IL1RAPL1: variants seen among roughly 807,000 people sequenced by gnomAD.
IL1RAPL1 encodes the protein interleukin-1 receptor accessory protein-like 1.
Under a neutral mutation model 48.4 loss-of-function variants are expected in IL1RAPL1, and 3 were observed. That is an observed-to-expected ratio of 0.06 (90% CI 0.03 to 0.16). IL1RAPL1 has a LOEUF of 0.16. IL1RAPL1 is among the 10% of genes least tolerant of loss of function. The pLI is 1.00. For synonymous variants in IL1RAPL1, 185 were observed against 187.7 expected (o/e 0.99, Z 0.12); for missense variants, 349 against 530.6 (o/e 0.66, Z 3.36).
chrX:29,425,250 T>C (rs141397717), intron 5 of IL1RAPL1, among the ~76,000 whole-genome samples: 2 of 111,894 alleles, frequency 1.8e-5, no homozygotes, highest in Non-Finnish European at 3.8e-5. Context: ...TAGAAGAACT[T>C]AGAAAAACAG....
At chrX:29,802,201 T>A (rs1390020229) in intron 6 of IL1RAPL1, among the ~76,000 whole-genome samples, 2 of 111,972 alleles carry the variant, frequency 1.8e-5, no homozygotes, top group Non-Finnish European at 3.8e-5. Context: ...GTTCGGTAGC[T>A]AGCCTCTAGT....
At chrX:29,377,839 G>C (rs1276169094) in intron 3 of IL1RAPL1, among the ~76,000 whole-genome samples, 1 of 110,857 alleles carries the variant, frequency 9.0e-6, no homozygotes, top group Non-Finnish European at 1.9e-5. Context: ...TGTGCCTTGG[G>C]GATGGTCATC....
At chrX:28,899,608 G>C (rs907685994) in intron 2 of IL1RAPL1, among the ~76,000 whole-genome samples, 1 of 112,270 alleles carries the variant, frequency 8.9e-6, no homozygotes, top group Non-Finnish European at 1.9e-5. Flanking sequence ...CCTCTATACT[G>C]CTTCCAAGAT....
At chrX:28,966,749 G>A (rs1054752459) in intron 2 of IL1RAPL1, among the ~76,000 whole-genome samples, 12 of 111,570 alleles carry the variant, frequency 1.1e-4, no homozygotes, top group Non-Finnish European at 1.9e-5. Context: ...TAATGTAAAC[G>A]TCTACATTAA....
At chrX:29,655,864 T>A (rs1273292051) in intron 5 of IL1RAPL1, among the ~76,000 whole-genome samples, 1 of 110,884 alleles carries the variant, frequency 9.0e-6, no homozygotes, top group East Asian at 2.8e-4. Context: ...GTGTTAATTT[T>A]CCCTACTGCA....
chrX:29,812,627 A>AT (rs1431993791), intron 6 of IL1RAPL1, among the ~76,000 whole-genome samples: 1 of 111,246 alleles, frequency 9.0e-6, no homozygotes, highest in East Asian at 2.8e-4. Flanking sequence ...TAAAAAAGTG[A>AT]TTTTCTCTCT....
chrX:28,764,387 T>C (rs1468571996), intron 1 of IL1RAPL1, among the ~76,000 whole-genome samples: 1 of 111,586 alleles, frequency 9.0e-6, no homozygotes, highest in Non-Finnish European at 1.9e-5. Flanking sequence ...CAGCATCTTA[T>C]GATGCTATGC....
intron 5 of IL1RAPL1, among the ~76,000 whole-genome samples, chrX:29,542,175 T>C (rs1345265881): frequency 1.8e-5 from 2 of 111,245 alleles, no homozygotes; most frequent in Non-Finnish European, 3.8e-5. Flanking sequence ...AGAATTATTA[T>C]AGAAAGAAAG....
chrX:28,970,518 G>T (rs1480309066), intron 2 of IL1RAPL1, among the ~76,000 whole-genome samples: 1 of 111,536 alleles, frequency 9.0e-6, no homozygotes, highest in East Asian at 2.8e-4. Flanking sequence ...GTGTCAATTG[G>T]ATGTTCTAAC....
intron 2 of IL1RAPL1, among the ~76,000 whole-genome samples, chrX:28,966,161 A>C (rs768718064): frequency 1.7e-4 from 19 of 112,171 alleles, no homozygotes; most frequent in Non-Finnish European, 3.0e-4. Context: ...AGAATAAGCC[A>C]ATCTTTAGCA....
At chrX:29,919,910 T>C (rs1932832284) in intron 7 of IL1RAPL1, 39 bp from the exon 8 acceptor site, 1 of 1,161,030 alleles carries the variant, frequency 8.6e-7, no homozygotes, top group South Asian at 1.8e-5. Flanking sequence ...TGTATGTGTC[T>C]GTTTGTGTGG....
At chrX:29,594,427 G>T (rs1923478054) in intron 5 of IL1RAPL1, among the ~76,000 whole-genome samples, 2 of 111,361 alleles carry the variant, frequency 1.8e-5, no homozygotes, top group South Asian at 7.5e-4. Flanking sequence ...AAGGAGCCCT[G>T]TTCTGATTGG....
chrX:29,053,982 G>A (rs1927155482), intron 2 of IL1RAPL1, among the ~76,000 whole-genome samples: 1 of 111,607 alleles, frequency 9.0e-6, no homozygotes, highest in Admixed American at 9.5e-5. Flanking sequence ...GCAAATGGCA[G>A]ATTTTCATTC....
chrX:29,394,530 C>T (rs1181805599), intron 3 of IL1RAPL1, among the ~76,000 whole-genome samples: 1 of 112,252 alleles, frequency 8.9e-6, no homozygotes, highest in African/African-American at 3.2e-5. Flanking sequence ...CTTAAAATTG[C>T]CAAATTCTTA....
intron 3 of IL1RAPL1, among the ~76,000 whole-genome samples, chrX:29,389,709 A>G (rs1229605529): frequency 8.9e-6 from 1 of 112,564 alleles, no homozygotes; most frequent in Non-Finnish European, 1.9e-5. Flanking sequence ...GAAGACAATT[A>G]TCTTGAATTT....
chrX:29,370,341 T>TG (rs933115847), intron 3 of IL1RAPL1, among the ~76,000 whole-genome samples: 9 of 110,520 alleles, frequency 8.1e-5, no homozygotes, highest in Non-Finnish European at 1.5e-4. Context: ...ACATGAAGTA[T>TG]TTTTTTTATT....
intron 3 of IL1RAPL1, among the ~76,000 whole-genome samples, chrX:29,382,821 C>T (rs1199099236): frequency 8.9e-6 from 1 of 111,784 alleles, no homozygotes; most frequent in Non-Finnish European, 1.9e-5. Flanking sequence ...ATGTATGAGA[C>T]TCCACTCACA....
chrX:29,076,769 G>GATCT (rs201702225), intron 2 of IL1RAPL1, among the ~76,000 whole-genome samples: 12,836 of 96,693 alleles, frequency 0.13, 747 homozygotes, highest in South Asian at 0.41. Context: ...AAATAAGACA[G>GATCT]ATCTATCTAT....
chrX:29,666,387 C>T (rs1243587712), intron 5 of IL1RAPL1, among the ~76,000 whole-genome samples: 3 of 110,260 alleles, frequency 2.7e-5, no homozygotes, highest in Non-Finnish European at 5.7e-5. Flanking sequence ...CCAGTGGGCA[C>T]CCCCAAACTC....
Sources: gnomAD v4.1 joint callset for allele counts (sites outside exome capture counted in the v4.1 genomes callset) on GRCh38, gnomAD v4.1.1 for gene constraint, MANE v1.5 for transcripts, NCBI Gene and HGNC (gene_info 2026-07-23, HGNC 2026-07-21) for gene names.